SFTPA2: variants seen among roughly 807,000 people sequenced by gnomAD.
The protein encoded by SFTPA2 is pulmonary surfactant-associated protein A2.
In SFTPA2, 21 loss-of-function variants were observed where a neutral mutation model predicts 20.3. The observed-to-expected ratio is 1.03, with a 90% CI of 0.73 to 1.49. SFTPA2 has a LOEUF of 1.49. SFTPA2 is among the 40% of genes most tolerant of loss of function. The probability of loss-of-function intolerance (pLI) is 0.00; values close to 1 mark genes in which losing one functional copy is unlikely to be tolerated. For synonymous variants in SFTPA2, 116 were observed against 118.7 expected, an observed-to-expected ratio of 0.98 and a Z score of 0.15; for missense variants, 302 against 314.8, an observed-to-expected ratio of 0.96 and a Z score of 0.31.
intron 5 of SFTPA2, 130 bp from the exon 6 acceptor site, chr10:79,557,715 T>A: frequency 9.0e-7 from 1 of 1,107,560 alleles, no homozygotes; most frequent in Admixed American, 2.4e-5. Context: ...CTTCTCTTCC[T>A]CTTCCAATTG....
chr10:79,557,537 G>A lies in SFTPA2; in HGVS notation c.419C>T (p.Ser140Phe). 6.2e-7 allele frequency: 1 copy of A among 1,612,800 alleles called. No homozygotes were observed. Among genetic ancestry groups the A allele is most frequent in the East Asian group, 2.2e-5 (1 of 44,832 alleles). The change falls in exon 6 of 6, where the codon TCC (serine) becomes TTC (phenylalanine). Residue 140 changes from serine (S) to phenylalanine (F), a missense_variant. Coordinates refer to ENST00000372325, the MANE Select transcript of SFTPA2 (RefSeq NM_001098668.4). ...SIMTVGEKVF[S>F]SNGQSITFDA... is the part of the protein sequence containing the mutation. ...AAAAGTGATGGACTGCCCATTGCTG[G>A]AGAAGACCTTCTCTCCTACTGTCAT...
intron 4 of SFTPA2, 69 bp from the exon 5 acceptor site, chr10:79,558,198 G>T (rs191655766): frequency 1.9e-6 from 3 of 1,612,394 alleles, no homozygotes; most frequent in South Asian, 2.2e-5. Context: ...CCACGCAGGC[G>T]TTTTGCCATC....
At position 79,559,424 on chromosome 10, in the gene SFTPA2, G is replaced by A. The variant is rs139224605; in HGVS notation, c.60C>T (p.Cys20=). The A allele has an allele frequency of 1.4e-5, 22 of 1,613,524 alleles. No individual in the cohort carries two copies. Among genetic ancestry groups the A allele is most frequent in the East Asian group, 4.5e-5 (2 of 44,844 alleles). Residue 20 remains cysteine, a synonymous_variant, in exon 3 of 6, where the codon TGC becomes TGT. Transcript: ENST00000372325. ...TTCCAACACAAACGTCCTTCACTTC[G>A]CACGCAGCACCAGAGGCTGCCATCA... is the stretch of plus-strand genomic sequence containing the variant. The part of the protein sequence containing the change: ...LILMAASGAA[C]EVKDVCVGSP...
At position 79,558,601 on chromosome 10, in the gene SFTPA2, C is replaced by T. The variant is rs551134778; in HGVS notation, c.292+285G>A. 1.6e-3 allele frequency among the ~76,000 whole-genome samples: 244 copies of T among 152,284 alleles called. 1 individual carries two copies. Among genetic ancestry groups the T allele is most frequent in the Non-Finnish European group, 2.3e-3 (156 of 68,022 alleles). ...CCCAGGGCCTCCATCCCAGGACATGCCTCCCCTGCCTCCCAGTGCTGTCCC... is the reference window on the plus strand; with the variant it reads ...CCCAGGGCCTCCATCCCAGGACATGTCTCCCCTGCCTCCCAGTGCTGTCCC... On this transcript the variant is annotated intron_variant, in intron 4 of 5. Coordinates refer to ENST00000372325, the MANE Select transcript of SFTPA2 (RefSeq NM_001098668.4).
chr10:79,557,647 C>T (rs1470676970), intron 5 of SFTPA2, 62 bp from the exon 6 acceptor site: 9 of 1,605,452 alleles, frequency 5.6e-6, no homozygotes, highest in African/African-American at 1.3e-5. Flanking sequence ...ACCTCCCTCA[C>T]CTAGGGTCTC....
At chr10:79,559,817 T>C in intron 2 of SFTPA2, 152 bp downstream of exon 2, 3 of 1,396,772 alleles carry the variant, frequency 2.1e-6, no homozygotes, top group Non-Finnish European at 2.9e-6. Context: ...CCTCACTATG[T>C]TACCCTGGGA....
At position 79,558,901 on chromosome 10, in the gene SFTPA2, C is replaced by T. The variant is rs369359980; in HGVS notation, c.277G>A (p.Glu93Lys). The change falls in exon 4 of 6, where the codon GAG (glutamate) becomes AAG (lysine). Residue 93 changes from glutamate (E) to lysine (K), a missense_variant. By Grantham distance (56) the Glu-to-Lys change is moderately conservative. Transcript: ENST00000372325. ...CCCTGCTCACCTGGAGGGCCTCTCTCGCCAGCCTCCCCCTTCTCTCCACGC... is the reference window on the plus strand; with the variant it reads ...CCCTGCTCACCTGGAGGGCCTCTCTTGCCAGCCTCCCCCTTCTCTCCACGC... ...GERGEKGEAG[E>K]RGPPGLPAHL... 42 of 1,614,016 alleles carry T rather than the reference C, an allele frequency of 2.6e-5. No homozygotes were observed. The highest frequency in any genetic ancestry group is 2.0e-4 in the East Asian group (9 of 44,880).
At position 79,557,186 on chromosome 10, in the gene SFTPA2, C is replaced by T. The variant is rs748350578; in HGVS notation, c.*23G>A. The T allele has an allele frequency of 1.9e-6, 3 of 1,614,192 alleles. No individual in the cohort carries two copies. Among genetic ancestry groups the T allele is most frequent in the Non-Finnish European group, 2.5e-6 (3 of 1,180,030 alleles). On this transcript the variant is annotated 3_prime_UTR_variant, in exon 6 of 6. Transcript: ENST00000372325. The stretch of plus-strand genomic sequence containing the variant: ...AACTGAAGGCCAGACAGGATCCTCC[C>T]TGTCCCATGGCCTAAATGCCTCTCA...
chr10:79,557,592 G>T lies in SFTPA2; in HGVS notation c.371-7C>A. The T allele has an allele frequency of 6.3e-7, 1 of 1,595,768 alleles. No homozygotes were observed. The highest frequency in any genetic ancestry group is 8.6e-7 in the Non-Finnish European group (1 of 1,167,966). ...GAGCCCTGCAGACTGAGGGCTGAGA[G>T]CAGAGGAGTCCAGGTCAGGCCACTG... On this transcript the variant is annotated splice_region_variant and splice_polypyrimidine_tract_variant and intron_variant, in intron 5 of 5. Coordinates refer to ENST00000372325, the MANE Select transcript of SFTPA2 (RefSeq NM_001098668.4).
intron 3 of SFTPA2, 117 bp downstream of exon 3, chr10:79,559,195 C>A (rs1026896327): frequency 5.3e-6 from 8 of 1,519,566 alleles, no homozygotes; most frequent in Admixed American, 1.8e-5. Context: ...TGAAGTCCCA[C>A]CCAGCTTACT....
In SFTPA2 at chr10:79,558,086, G is replaced by A. The variant is rs761646414; in HGVS notation, c.336C>T (p.His112=). ...TCTGCAGGATTTGATGTCTGAAGTC[G>A]TGGAGTGTGGCTTGGAGCTCCTCAT... ...HLDEELQATL[H]DFRHQILQTR... The change falls in exon 5 of 6, where the codon CAC becomes CAT. Residue 112 remains histidine (H), a synonymous_variant. Transcript: ENST00000372325. The A allele has an allele frequency of 2.5e-5, 40 of 1,613,946 alleles. No individual in the cohort carries two copies. The highest frequency in any genetic ancestry group is 1.6e-4 in the South Asian group (15 of 91,076).
intron 4 of SFTPA2, among the ~76,000 whole-genome samples, chr10:79,558,577 C>T (rs1278056702): frequency 6.6e-6 from 1 of 152,114 alleles, no homozygotes; most frequent in Admixed American, 6.5e-5. Context: ...CAGACTGCCC[C>T]CAGGGCCTCC....
At chr10:79,558,157 G>C (rs1289116113) in intron 4 of SFTPA2, 28 bp from the exon 5 acceptor site, 5 of 1,613,786 alleles carry the variant, frequency 3.1e-6, no homozygotes, top group Non-Finnish European at 3.4e-6. Flanking sequence ...CACAGAAGGA[G>C]GGGCAGGCCA....
At chr10:79,560,082 G>A (rs968842796) in intron 1 of SFTPA2, 84 bp from the exon 2 acceptor site, 1 of 989,512 alleles carries the variant, frequency 1.0e-6, no homozygotes, top group Non-Finnish European at 1.2e-6. Context: ...CTCACAGTCA[G>A]TGATGAGGTC....
rs970617423 is a variant in SFTPA2, at chr10:79,557,667, A to G, written c.371-82T>C. The G allele has an allele frequency of 4.9e-5, 79 of 1,599,308 alleles. 1 individual carries two copies. Among genetic ancestry groups the G allele is most frequent in the Admixed American group, 2.3e-4 (14 of 59,858 alleles). ...CCTCACCTAGGGTCTCTGCTACCAGATTCTCCCCAGTCTCTCCATCTCTGC... is the reference window on the plus strand; with the variant it reads ...CCTCACCTAGGGTCTCTGCTACCAGGTTCTCCCCAGTCTCTCCATCTCTGC... On this transcript the variant is annotated intron_variant, in intron 5 of 5. Coordinates refer to ENST00000372325, the MANE Select transcript of SFTPA2 (RefSeq NM_001098668.4).
At chr10:79,559,176 C>G (rs1859020721) in intron 3 of SFTPA2, 136 bp downstream of exon 3, 2 of 1,309,512 alleles carry the variant, frequency 1.5e-6, no homozygotes, top group South Asian at 2.5e-5. Context: ...ACCCACCACC[C>G]CTGCAGACTG....
rs1206985289 is a variant in SFTPA2 at position 79,557,418 on chromosome 10, T to C, written c.538A>G (p.Lys180Glu). 6 of 1,613,952 alleles carry C rather than the reference T, an allele frequency of 3.7e-6. No homozygotes were observed. In the Admixed American group the frequency reaches 1.0e-4, roughly 27 times the overall value. Residue 180 changes from lysine (K) to glutamate (E), a missense_variant, in exon 6 of 6, where the codon AAG (lysine) becomes GAG (glutamate). Around this residue, in one of 3 missense-constraint regions of SFTPA2, gnomAD observed 264 missense variants for 261.7 expected, o/e 1.01. Coordinates refer to ENST00000372325, the MANE Select transcript of SFTPA2 (RefSeq NM_001098668.4). Reference protein sequence around the residue: ...ENEAIASFVKKYNTYAYVGLT... With the variant: ...ENEAIASFVKEYNTYAYVGLT... ...CCTACATAGGCATATGTGTTGTACT[T>C]CTTCACGAAGCTTGCAATGGCCTCA... is the stretch of plus-strand genomic sequence containing the variant.
intron 2 of SFTPA2, 33 bp downstream of exon 2, chr10:79,559,936 C>G: frequency 7.4e-7 from 1 of 1,350,266 alleles, no homozygotes; most frequent in Non-Finnish European, 9.5e-7. Flanking sequence ...CACTCACTGA[C>G]TCACTCCATC....
rs767420213 is a variant in SFTPA2, at chr10:79,557,550, C to T, written c.406G>A (p.Glu136Lys). 84 of 1,612,314 alleles carry T rather than the reference C, an allele frequency of 5.2e-5. 1 individual carries two copies. The Admixed American group carries it at 1.4e-3, about 26-fold the overall frequency. ...SLQGSIMTVG[E>K]KVFSSNGQSI... ...TGCCCATTGCTGGAGAAGACCTTCT[C>T]TCCTACTGTCATTATGGAGCCCTGC... The change falls in exon 6 of 6, where the codon GAG becomes AAG. Residue 136 changes from glutamate to lysine, a missense_variant. This residue lies in a region of SFTPA2 where 264 missense variants were observed against 261.7 expected (regional missense o/e 1.01). Transcript: ENST00000372325.
Sources: allele counts gnomAD v4.1 joint callset (sites outside exome capture counted in the v4.1 genomes callset), GRCh38; gene constraint gnomAD v4.1.1; regional missense constraint gnomAD v4.1.1; transcripts MANE v1.5; gene names NCBI Gene and HGNC (gene_info 2026-07-23, HGNC 2026-07-21).